UBR3: variants seen among roughly 807,000 people sequenced by gnomAD.
The protein encoded by UBR3 is ubiquitin protein ligase E3 component n-recognin 3.
Under a neutral mutation model 243.2 loss-of-function variants are expected in UBR3, and 85 were observed. The ratio of observed to expected loss-of-function variants is 0.35; its 90% CI spans 0.29 to 0.42. UBR3 has a LOEUF of 0.42. Among genes scored for constraint, UBR3 ranks in the 10% least tolerant of loss-of-function variants. The pLI is 1.00. For synonymous variants in UBR3, 748 were observed against 799.8 expected, an observed-to-expected ratio of 0.94 and a Z score of 1.09; for missense variants, 1,686 against 2,300.8, an observed-to-expected ratio of 0.73 and a Z score of 5.47.
At chr2:170,029,963 TG>T (rs1202808019) in intron 31 of UBR3, among the ~76,000 whole-genome samples, 1 of 152,122 alleles carries the variant, frequency 6.6e-6, no homozygotes, top group Non-Finnish European at 1.5e-5. Flanking sequence ...AAATACAGTT[TG>T]GCAGGATGAA....
intron 32 of UBR3, among the ~76,000 whole-genome samples, chr2:170,047,290 A>G (rs1405082133): frequency 1.3e-5 from 2 of 152,130 alleles, no homozygotes; most frequent in East Asian, 3.8e-4. Flanking sequence ...AATTACAGGC[A>G]TGAGCCACTG....
Position 169,905,316 on chromosome 2 carries a change from A to G in UBR3, c.1645+23A>G, listed in dbSNP as rs1175631734. ...AAGGTATGAATTTTATCCCTTTGTT[A>G]ATTTTTTGGTTTACAAAATTCCTAA... On this transcript the variant is annotated intron_variant, in intron 9 of 38. Coordinates refer to ENST00000272793, the MANE Select transcript of UBR3 (RefSeq NM_172070.4). The G allele has an allele frequency of 2.1e-6, 3 of 1,440,674 alleles. No homozygotes were observed. The African/African-American group carries it at 4.3e-5, about 21-fold the overall frequency. 89.2% of individuals were successfully genotyped at this position (1,440,674 alleles called of 1,614,324 possible).
At chr2:169,856,384 G>T (rs904764497) in intron 1 of UBR3, among the ~76,000 whole-genome samples, 1 of 151,252 alleles carries the variant, frequency 6.6e-6, no homozygotes, top group Non-Finnish European at 1.5e-5. Context: ...TCACATCCCA[G>T]ACGATGGGCG....
rs1042987637 is a variant in UBR3 at position 169,947,609 on chromosome 2, T to A, written c.2978T>A (p.Met993Lys). ...CCTGGCAGTAACTTAGTGTCAAACA[T>A]GCGACACTTTATAAACTATGTTAGA... The part of the protein sequence containing the change: ...WFPGSNLVSN[M>K]RHFINYVRVR... The change falls in exon 22 of 39, where the codon ATG becomes AAG. Residue 993 changes from methionine (M) to lysine (K), a missense_variant. By Grantham distance (95) the Met-to-Lys change is moderately conservative (BLOSUM62 -1). This residue lies in a region of UBR3 where 300 missense variants were observed against 314.4 expected (regional missense o/e 0.95). Transcript: ENST00000272793. The A allele has an allele frequency of 1.3e-6, 2 of 1,537,672 alleles. No individual in the cohort carries two copies. The highest frequency in any genetic ancestry group is 8.8e-7 in the Non-Finnish European group (1 of 1,140,274).
At chr2:170,029,994 T>C (rs1215469359) in intron 31 of UBR3, among the ~76,000 whole-genome samples, 5 of 152,098 alleles carry the variant, frequency 3.3e-5, no homozygotes, top group Non-Finnish European at 7.4e-5. Context: ...CTTTTCTGAT[T>C]TATAAATTTT....
At chr2:169,840,642 C>G (rs181043017) in intron 1 of UBR3, among the ~76,000 whole-genome samples, 2 of 152,132 alleles carry the variant, frequency 1.3e-5, no homozygotes, top group Non-Finnish European at 2.9e-5. Flanking sequence ...CCCCCCACCG[C>G]GGACACCACT....
intron 33 of UBR3, among the ~76,000 whole-genome samples, chr2:170,060,253 AAAG>A (rs2091430304): frequency 6.6e-6 from 1 of 152,150 alleles, no homozygotes; most frequent in Non-Finnish European, 1.5e-5. Flanking sequence ...GTGAATATAA[AAAG>A]AACTGCATTT....
rs753630182 is a variant in UBR3, at chr2:169,827,468, A to G, written c.-40A>G. 3 of 1,220,286 alleles carry G rather than the reference A, an allele frequency of 2.5e-6. No homozygotes were observed. Among genetic ancestry groups the G allele is most frequent in the Non-Finnish European group, 3.1e-6 (3 of 980,574 alleles). 75.6% of individuals were successfully genotyped at this position (1,220,286 alleles called of 1,614,324 possible). A position where few individuals can be genotyped will look rare whatever the true frequency, so the allele number is the denominator to read the frequency against. ...TCTATTCCCTCACTCTCCCTGGAGG[A>G]GCCGCTGGCCCTGGACTCTCCAAAT... On this transcript the variant is annotated 5_prime_UTR_variant, in exon 1 of 39. Transcript: ENST00000272793.
intron 1 of UBR3, 66 bp downstream of exon 1, chr2:169,828,118 C>T: frequency 1.6e-6 from 2 of 1,222,458 alleles, no homozygotes; most frequent in Non-Finnish European, 2.1e-6. Context: ...GGGCCTGGAG[C>T]GGAGCACTGG....
chr2:169,977,599 G>GGA (rs141398071), intron 24 of UBR3, among the ~76,000 whole-genome samples: 14 of 151,894 alleles, frequency 9.2e-5, no homozygotes, highest in Non-Finnish European at 4.4e-5. Context: ...GCTCTGGGAG[G>GGA]GAGAGAGAGA....
intron 25 of UBR3, among the ~76,000 whole-genome samples, chr2:169,990,562 A>C (rs1000680000): frequency 3.9e-5 from 6 of 152,128 alleles, no homozygotes; most frequent in African/African-American, 1.4e-4. Flanking sequence ...TGTTTGTGGA[A>C]GAGTGTAGGC....
intron 32 of UBR3, among the ~76,000 whole-genome samples, chr2:170,054,782 GT>G (rs1346606851): frequency 6.6e-6 from 1 of 152,090 alleles, no homozygotes; most frequent in East Asian, 1.9e-4. Context: ...TGATGTGTTG[GT>G]TTTAAACATT....
At chr2:169,973,695 C>G (rs73017635) in intron 24 of UBR3, among the ~76,000 whole-genome samples, 6,525 of 152,286 alleles carry the variant, frequency 0.043, 155 homozygotes, top group Middle Eastern at 0.061. Context: ...CCCATTATTT[C>G]TCTTGCCTAA....
chr2:169,895,517 A>G (rs865794550), intron 7 of UBR3, among the ~76,000 whole-genome samples: 36 of 152,358 alleles, frequency 2.4e-4, no homozygotes, highest in African/African-American at 6.7e-4. Context: ...GCAGAATTCC[A>G]AAGGATTGCT....
chr2:169,946,622 G>A (rs1574261464), intron 21 of UBR3, among the ~76,000 whole-genome samples: 1 of 152,078 alleles, frequency 6.6e-6, no homozygotes. Context: ...CAGTTTTTTA[G>A]GGCCTTCATT....
chr2:170,001,764 T>G (rs973719395), intron 27 of UBR3, among the ~76,000 whole-genome samples: 1 of 151,654 alleles, frequency 6.6e-6, no homozygotes, highest in Non-Finnish European at 1.5e-5. Context: ...AATACAAAAA[T>G]TAGCCGAGCA....
intron 13 of UBR3, among the ~76,000 whole-genome samples, chr2:169,925,110 G>T (rs879837384): frequency 6.6e-6 from 1 of 152,208 alleles, no homozygotes; most frequent in Non-Finnish European, 1.5e-5. Context: ...AAATACTGAT[G>T]TAGTGAGAAC....
chr2:170,003,434 A>G (rs904247369), intron 27 of UBR3, among the ~76,000 whole-genome samples: 1 of 149,546 alleles, frequency 6.7e-6, no homozygotes, highest in Admixed American at 6.7e-5. Context: ...CCTTAAACAC[A>G]TTATGCATTT....
intron 1 of UBR3, among the ~76,000 whole-genome samples, chr2:169,831,767 C>T (rs1004838334): frequency 1.3e-5 from 2 of 152,184 alleles, no homozygotes; most frequent in African/African-American, 4.8e-5. Context: ...ATGGGCAAAG[C>T]TGGACTACAC....
Sources: gnomAD v4.1 joint callset for allele counts (sites outside exome capture counted in the v4.1 genomes callset) on GRCh38, gnomAD v4.1.1 for gene constraint, gnomAD v4.1.1 regional missense constraint, MANE v1.5 for transcripts, NCBI Gene and HGNC (gene_info 2026-07-23, HGNC 2026-07-21) for gene names.